PPP2R2C: variants seen among roughly 807,000 people sequenced by gnomAD.
PPP2R2C encodes the protein protein phosphatase 2, regulatory subunit B, gamma.
A neutral mutation model predicts 45.3 loss-of-function variants in PPP2R2C; 10 were observed. The observed-to-expected ratio is 0.22, with a 90% CI of 0.14 to 0.37. The LOEUF (loss-of-function observed/expected upper bound fraction) is 0.37. Among genes scored for constraint, PPP2R2C ranks in the 10% least tolerant of loss-of-function variants. The pLI is 1.00. For missense variants in PPP2R2C, 308 were observed against 619.7 expected (o/e 0.50, Z 5.34); for synonymous variants, 257 against 245.4 (o/e 1.05, Z -0.44).
At chr4:6,541,200 C>T (rs979549026) in intron 1 of PPP2R2C, among the ~76,000 whole-genome samples, 1 of 152,082 alleles carries the variant, frequency 6.6e-6, no homozygotes, top group African/African-American at 2.4e-5. Context: ...AATTACAGAC[C>T]TGGGAATATG....
chr4:6,434,720 G>C (rs1251674918), intron 1 of PPP2R2C, among the ~76,000 whole-genome samples: 2 of 152,158 alleles, frequency 1.3e-5, no homozygotes, highest in Non-Finnish European at 2.9e-5. Flanking sequence ...ATGTTTCTGA[G>C]AGTTCTTGTT....
chr4:6,340,518 C>T (rs959717092), intron 6 of PPP2R2C, among the ~76,000 whole-genome samples: 1 of 152,190 alleles, frequency 6.6e-6, no homozygotes, highest in African/African-American at 2.4e-5. Context: ...AGCCTGAAGC[C>T]ATCCCCGACC....
At chr4:6,341,026 G>A (rs1478333652) in intron 6 of PPP2R2C, among the ~76,000 whole-genome samples, 1 of 152,214 alleles carries the variant, frequency 6.6e-6, no homozygotes, top group Non-Finnish European at 1.5e-5. Context: ...CCTGGGAGTT[G>A]AGCCCACACA....
chr4:6,543,270 T>G (rs1042016447), intron 1 of PPP2R2C, among the ~76,000 whole-genome samples: 1 of 152,188 alleles, frequency 6.6e-6, no homozygotes, highest in Non-Finnish European at 1.5e-5. Context: ...CCAATCCTGC[T>G]GCCTTCCCTC....
chr4:6,398,789 G>A (rs749898870), intron 1 of PPP2R2C, among the ~76,000 whole-genome samples: 7 of 152,170 alleles, frequency 4.6e-5, no homozygotes, highest in Non-Finnish European at 8.8e-5. Context: ...AGGTGCATAC[G>A]TACGTGTTCA....
intron 1 of PPP2R2C, among the ~76,000 whole-genome samples, chr4:6,422,501 C>T (rs1028210355): frequency 6.6e-6 from 1 of 152,214 alleles, no homozygotes; most frequent in African/African-American, 2.4e-5. Flanking sequence ...TAACAAAGTG[C>T]CCCAGACTGT....
chr4:6,362,856 C>A (rs1713916453), intron 5 of PPP2R2C, among the ~76,000 whole-genome samples: 1 of 145,562 alleles, frequency 6.9e-6, no homozygotes, highest in Non-Finnish European at 1.5e-5. Context: ...ATCTGAATCC[C>A]AGCCCTGGCA....
intron 2 of PPP2R2C, among the ~76,000 whole-genome samples, chr4:6,500,360 C>A (rs1287526998): frequency 6.6e-6 from 1 of 152,190 alleles, no homozygotes; most frequent in African/African-American, 2.4e-5. Context: ...GTTGGCCAGG[C>A]TGGTCTCGAA....
At chr4:6,441,215 G>A (rs1272705800) in intron 1 of PPP2R2C, among the ~76,000 whole-genome samples, 1 of 152,090 alleles carries the variant, frequency 6.6e-6, no homozygotes, top group Non-Finnish European at 1.5e-5. Flanking sequence ...GGGCCCTCAT[G>A]CATGAAAACA....
intron 2 of PPP2R2C, among the ~76,000 whole-genome samples, chr4:6,501,326 A>G (rs2108794302): frequency 6.6e-6 from 1 of 152,262 alleles, no homozygotes; most frequent in East Asian, 1.9e-4. Flanking sequence ...CACCCTGTGA[A>G]CAGACAAGCC....
At chr4:6,416,657 C>T (rs924321246) in intron 1 of PPP2R2C, among the ~76,000 whole-genome samples, 7 of 152,222 alleles carry the variant, frequency 4.6e-5, no homozygotes, top group South Asian at 2.1e-4. Flanking sequence ...CACCCCGATG[C>T]GCTGGCCAGG....
At chr4:6,451,931 C>G (rs1163971916) in intron 1 of PPP2R2C, among the ~76,000 whole-genome samples, 1 of 152,176 alleles carries the variant, frequency 6.6e-6, no homozygotes, top group African/African-American at 2.4e-5. Context: ...AAAGTGTGAA[C>G]AGTGACACCA....
chr4:6,551,025 G>A (rs1725167130), intron 1 of PPP2R2C, among the ~76,000 whole-genome samples: 1 of 152,166 alleles, frequency 6.6e-6, no homozygotes, highest in South Asian at 2.1e-4. Context: ...CTCGCCTCCG[G>A]GGCCATGGAG....
intron 1 of PPP2R2C, among the ~76,000 whole-genome samples, chr4:6,463,511 G>A (rs1438872501): frequency 6.6e-6 from 1 of 152,244 alleles, no homozygotes; most frequent in Non-Finnish European, 1.5e-5. Context: ...TTCAGCCCTG[G>A]GTTCTGGAGG....
At chr4:6,417,652 C>T (rs1178684195) in intron 1 of PPP2R2C, among the ~76,000 whole-genome samples, 6 of 152,220 alleles carry the variant, frequency 3.9e-5, no homozygotes, top group Non-Finnish European at 7.3e-5. Flanking sequence ...CGGGGGCCCC[C>T]GGGGACCCCA....
chr4:6,459,702 G>T (rs570780289), intron 1 of PPP2R2C, among the ~76,000 whole-genome samples: 1 of 152,282 alleles, frequency 6.6e-6, no homozygotes, highest in African/African-American at 2.4e-5. Context: ...GACAAGAATT[G>T]CTTGAGCCTG....
At chr4:6,548,438 G>C (rs959248787) in intron 1 of PPP2R2C, among the ~76,000 whole-genome samples, 5 of 152,234 alleles carry the variant, frequency 3.3e-5, no homozygotes. Flanking sequence ...TGAGGGTGCA[G>C]AGCGCCTGGA....
At chr4:6,541,730 G>A (rs1408635303) in intron 1 of PPP2R2C, among the ~76,000 whole-genome samples, 4 of 152,112 alleles carry the variant, frequency 2.6e-5, no homozygotes, top group Admixed American at 6.5e-5. Flanking sequence ...ATTTTTAGTA[G>A]AGTTGGCCAG....
intron 1 of PPP2R2C, among the ~76,000 whole-genome samples, chr4:6,404,689 AG>A (rs1384867495): frequency 6.6e-6 from 1 of 152,164 alleles, no homozygotes; most frequent in South Asian, 2.1e-4. Context: ...ACAGATTCCA[AG>A]GGGGGTTCTA....
Sources: gnomAD v4.1 joint callset for allele counts (sites outside exome capture counted in the v4.1 genomes callset) on GRCh38, gnomAD v4.1.1 for gene constraint, MANE v1.5 for transcripts, NCBI Gene and HGNC (gene_info 2026-07-23, HGNC 2026-07-21) for gene names.